ARNT: variants seen among roughly 807,000 people sequenced by gnomAD.
ARNT encodes the protein class E basic helix-loop-helix protein 2.
A neutral mutation model predicts 105.0 loss-of-function variants in ARNT; 30 were observed. That is an observed-to-expected ratio of 0.29 (90% CI 0.21 to 0.39). The LOEUF (loss-of-function observed/expected upper bound fraction) is 0.39, where lower values mean the gene tolerates loss of function less well. ARNT is among the 10% of genes least tolerant of loss of function. The pLI is 1.00. For missense variants in ARNT, 748 were observed against 978.7 expected (o/e 0.76, Z 3.15); for synonymous variants, 304 against 344.0 (o/e 0.88, Z 1.29).
rs10305683 is a variant in ARNT, at chr1:150,838,864, A to G, written c.486+577T>C. ...ATAAAATTACTAATTAAAAAATACA[A>G]TTCCTCTCTTTATGCATTTTCCTGT... On this transcript the variant is annotated intron_variant, in intron 6 of 21. Transcript: ENST00000358595. Among the ~76,000 whole-genome samples the G allele has an allele frequency of 3.3e-3, 499 of 151,780 alleles. 2 individuals carry two copies. Among genetic ancestry groups the G allele is most frequent in the African/African-American group, 0.012 (477 of 41,408 alleles).
chr1:150,843,404 A>G (rs1661614962), intron 4 of ARNT, among the ~76,000 whole-genome samples: 1 of 152,252 alleles, frequency 6.6e-6, no homozygotes, highest in African/African-American at 2.4e-5. Context: ...TAAGTATGAC[A>G]GGTTAACAAG....
At chr1:150,843,124 T>C (rs1661566968) in intron 4 of ARNT, among the ~76,000 whole-genome samples, 1 of 152,232 alleles carries the variant, frequency 6.6e-6, no homozygotes, top group Non-Finnish European at 1.5e-5. Flanking sequence ...TATTATTGAT[T>C]TGTTCCTAAA....
chr1:150,835,138 C>CA (rs11459475), intron 7 of ARNT, among the ~76,000 whole-genome samples: 118,073 of 134,260 alleles, frequency 0.88, 51,768 homozygotes, highest in East Asian at 0.93. Context: ...GACCTTGTCT[C>CA]AAAAAAAAAA....
intron 1 of ARNT, among the ~76,000 whole-genome samples, chr1:150,876,166 A>T (rs1668211581): frequency 6.6e-6 from 1 of 152,202 alleles, no homozygotes; most frequent in Admixed American, 6.5e-5. Flanking sequence ...GTAAACCGAG[A>T]CACTCTGCCT....
intron 1 of ARNT, among the ~76,000 whole-genome samples, chr1:150,861,886 A>C (rs1198318864): frequency 6.6e-6 from 1 of 152,242 alleles, no homozygotes; most frequent in African/African-American, 2.4e-5. Context: ...CTTTATTATA[A>C]AGTAGAATTT....
intron 1 of ARNT, among the ~76,000 whole-genome samples, chr1:150,873,307 A>AAC (rs1453579840): frequency 6.0e-5 from 9 of 150,666 alleles, no homozygotes; most frequent in Admixed American, 2.0e-4. Flanking sequence ...CAAACAAACA[A>AAC]AAAAAAAACA....
chr1:150,874,484 G>C (rs1050892032), intron 1 of ARNT, among the ~76,000 whole-genome samples: 1 of 152,138 alleles, frequency 6.6e-6, no homozygotes, highest in African/African-American at 2.4e-5. Context: ...AGGAGATCAA[G>C]ATCAGCATGG....
chr1:150,866,392 G>A (rs1186323194), intron 1 of ARNT, among the ~76,000 whole-genome samples: 3 of 152,136 alleles, frequency 2.0e-5, no homozygotes, highest in African/African-American at 7.2e-5. Flanking sequence ...AAGCTTATAG[G>A]ATATTCTCTA....
Position 150,860,218 on chromosome 1 carries a change from C to CTTTTTTTTT in ARNT, c.26-1767_26-1759dup, listed in dbSNP as rs756996050. The stretch of plus-strand genomic sequence containing the variant: ...CCCATGGAATAGAAAAAAAAAAATT[C>CTTTTTTTTT]TTTTTTTTTTTTTTTGAGTTAGAGT... On this transcript the variant is annotated intron_variant, in intron 1 of 21. Transcript: ENST00000358595. Among the ~76,000 whole-genome samples, 13 of 113,010 alleles carry CTTTTTTTTT rather than the reference C, an allele frequency of 1.2e-4. 1 individual carries two copies. Among genetic ancestry groups the CTTTTTTTTT allele is most frequent in the African/African-American group, 2.1e-4 (6 of 28,970 alleles). The allele number at this position is 113,010 out of a possible 152,430, so 74.1% of individuals were successfully genotyped here. A position where few individuals can be genotyped will look rare whatever the true frequency, so the allele number is the denominator to read the frequency against.
chr1:150,836,498 G>C lies in ARNT; in HGVS notation c.487-5C>G. 3 of 1,611,940 alleles carry C rather than the reference G, an allele frequency of 1.9e-6. No individual in the cohort carries two copies. Among genetic ancestry groups the C allele is most frequent in the Non-Finnish European group, 2.5e-6 (3 of 1,179,098 alleles). Reference sequence around the variant, plus strand: ...CAAGATCAAATGTTTCAGTTCCTGCGCAAGAAAAAGAAATAGAAGTTAATA... The same window carrying C: ...CAAGATCAAATGTTTCAGTTCCTGCCCAAGAAAAAGAAATAGAAGTTAATA... On this transcript the variant is annotated splice_polypyrimidine_tract_variant and splice_region_variant and intron_variant, in intron 6 of 21. Transcript: ENST00000358595.
chr1:150,847,465 C>T (rs935427484), intron 3 of ARNT, among the ~76,000 whole-genome samples: 3 of 149,790 alleles, frequency 2.0e-5, no homozygotes, highest in East Asian at 1.9e-4. Context: ...AAAGGGAATT[C>T]GGCAGTGCTT....
At position 150,814,114 on chromosome 1, in the gene ARNT, A is replaced by T; in HGVS notation, c.2076T>A (p.Ala692=). The change falls in exon 20 of 22, where the codon GCT becomes GCA. Residue 692 remains alanine (A), a synonymous_variant. Coordinates refer to ENST00000358595, the MANE Select transcript of ARNT (RefSeq NM_001668.4). ...PGAPTASPGA[A]AYPSLTNRGS... The stretch of plus-strand genomic sequence containing the variant: ...CACGATTGGTGAGACTAGGGTAGGC[A>T]GCAGCACCAGGCGATGCAGTTGGGG... 1 of 1,614,172 alleles carries T rather than the reference A, an allele frequency of 6.2e-7. No individual in the cohort carries two copies. The highest frequency in any genetic ancestry group is 1.1e-5 in the South Asian group (1 of 91,082).
chr1:150,839,658 C>T lies in ARNT; in HGVS notation c.273-4G>A. The T allele has an allele frequency of 2.5e-6, 4 of 1,611,866 alleles. No individual in the cohort carries two copies. Among genetic ancestry groups the T allele is most frequent in the Non-Finnish European group, 3.4e-6 (4 of 1,179,002 alleles). The stretch of plus-strand genomic sequence containing the variant: ...TTCAATTTCACTGTGATTTTCCCTG[C>T]ATGGAAAGAAAGAGAAGCCCCATCC... On this transcript the variant is annotated splice_polypyrimidine_tract_variant and splice_region_variant and intron_variant, in intron 5 of 21. Coordinates refer to ENST00000358595, the MANE Select transcript of ARNT (RefSeq NM_001668.4).
rs58630631 is a variant in ARNT, at chr1:150,811,458, G to GCACACA, written c.*557_*562dup. The GCACACA allele has an allele frequency of 0.37, 83,813 of 228,368 alleles. 12,759 individuals carry two copies. Among genetic ancestry groups the GCACACA allele is most frequent in the Admixed American group, 0.44 (7,762 of 17,516 alleles). The allele number at this position is 228,368 out of a possible 1,614,324, so 14.1% of individuals were successfully genotyped here. A position where few individuals can be genotyped will look rare whatever the true frequency, so the allele number is the denominator to read the frequency against. The stretch of plus-strand genomic sequence containing the variant: ...GAGTGAAATACAGAAGCATGTGTGC[G>GCACACA]CACACACACACACACACACATACAC... On this transcript the variant is annotated 3_prime_UTR_variant, in exon 22 of 22. Coordinates refer to ENST00000358595, the MANE Select transcript of ARNT (RefSeq NM_001668.4).
At chr1:150,844,813 CTTT>C (rs1165504473) in intron 4 of ARNT, among the ~76,000 whole-genome samples, 1 of 140,246 alleles carries the variant, frequency 7.1e-6, no homozygotes, top group Non-Finnish European at 1.6e-5. Context: ...TCCTTACTGT[CTTT>C]TTTTTTTTTT....
rs587713954 is a variant in ARNT, at chr1:150,828,753, C to T, written c.1167+340G>A. ...TGCTAAATCTGCATGTTTTATGGGC[C>T]ATTATTCATTTAGGTAATTACATGA... On this transcript the variant is annotated intron_variant, in intron 12 of 21. Coordinates refer to ENST00000358595, the MANE Select transcript of ARNT (RefSeq NM_001668.4). Among the ~76,000 whole-genome samples, 75 of 152,196 alleles carry T rather than the reference C, an allele frequency of 4.9e-4. 1 individual carries two copies. Among genetic ancestry groups the T allele is most frequent in the African/African-American group, 1.7e-3 (72 of 41,544 alleles).
At chr1:150,823,887 G>C (rs1657647758) in intron 13 of ARNT, among the ~76,000 whole-genome samples, 1 of 149,014 alleles carries the variant, frequency 6.7e-6, no homozygotes. Flanking sequence ...TCTGTCACCA[G>C]GCTAGAGTGC....
Position 150,811,970 on chromosome 1 carries a change from A to G in ARNT, c.*51T>C, listed in dbSNP as rs754626170. 1 of 1,364,292 alleles carries G rather than the reference A, an allele frequency of 7.3e-7. No individual in the cohort carries two copies. Among genetic ancestry groups the G allele is most frequent in the Non-Finnish European group, 9.7e-7 (1 of 1,027,708 alleles). The allele number at this position is 1,364,292 out of a possible 1,614,324, so 84.5% of individuals were successfully genotyped here. A position where few individuals can be genotyped will look rare whatever the true frequency, so the allele number is the denominator to read the frequency against. On this transcript the variant is annotated 3_prime_UTR_variant, in exon 22 of 22. Coordinates refer to ENST00000358595, the MANE Select transcript of ARNT (RefSeq NM_001668.4). ...GTTTACAGAAAGATTTGCTTTTTAA[A>G]AACAAACAGTGATTTTTTCTCCCCC...
chr1:150,848,276 C>T (rs1203755386), intron 3 of ARNT, among the ~76,000 whole-genome samples: 10 of 152,008 alleles, frequency 6.6e-5, no homozygotes, highest in Admixed American at 2.6e-4. Flanking sequence ...GCCAACATGG[C>T]GAAACCTTGT....
Sources: allele counts gnomAD v4.1 joint callset (sites outside exome capture counted in the v4.1 genomes callset), GRCh38; gene constraint gnomAD v4.1.1; transcripts MANE v1.5; gene names NCBI Gene and HGNC (gene_info 2026-07-23, HGNC 2026-07-21).